ANK2: variants seen among roughly 807,000 people sequenced by gnomAD.
The protein encoded by ANK2 is ankyrin-2.
In ANK2, 83 loss-of-function variants were observed where a neutral mutation model predicts 360.5. The observed-to-expected ratio is 0.23, with a 90% CI of 0.19 to 0.28. ANK2 has a LOEUF of 0.28. ANK2 is among the 10% of genes least tolerant of loss of function. The pLI, the probability that ANK2 is intolerant of heterozygous loss-of-function variation, is 1.00. For missense variants in ANK2, 4,201 were observed against 4,795.7 expected, an observed-to-expected ratio of 0.88 and a Z score of 3.66; for synonymous variants, 1,740 against 1,759.5, an observed-to-expected ratio of 0.99 and a Z score of 0.28.
chr4:113,021,541 C>CACACACATATATATAT (rs1489947974), intron 2 of ANK2, among the ~76,000 whole-genome samples: 12 of 95,632 alleles, frequency 1.3e-4, no homozygotes, highest in African/African-American at 4.6e-4. Flanking sequence ...CACACACAAA[C>CACACACATATATATAT]ATATATATAT....
In ANK2 at chr4:113,279,658, A is replaced by G. The variant is rs2061507433; in HGVS notation, c.1881+1100A>G. On this transcript the variant is annotated intron_variant, in intron 17 of 45. Coordinates refer to ENST00000357077, the MANE Select transcript of ANK2 (RefSeq NM_001148.6). ...ATATTATAAATAAAAAATAGGATAT[A>G]TACATAAAATATGTTCTGTATAATA... Among the ~76,000 whole-genome samples, 3 of 148,670 alleles carry G rather than the reference A, an allele frequency of 2.0e-5. 1 individual carries two copies. In the South Asian group the frequency reaches 6.2e-4, roughly 31 times the overall value.
At chr4:113,145,794 T>C (rs2096806342) in intron 1 of ANK2, 8 of 1,259,086 alleles carry the variant, frequency 6.4e-6, no homozygotes, top group South Asian at 1.3e-5. Context: ...CCCACATTAG[T>C]GTACCCCTGG....
At chr4:113,187,662 G>A (rs2098555014) in intron 2 of ANK2, among the ~76,000 whole-genome samples, 1 of 152,126 alleles carries the variant, frequency 6.6e-6, no homozygotes, top group Admixed American at 6.5e-5. Context: ...AACTTACCAG[G>A]GAGAGACACT....
intron 2 of ANK2, among the ~76,000 whole-genome samples, chr4:112,926,066 TC>T (rs1337558864): frequency 1.3e-5 from 2 of 152,190 alleles, no homozygotes; most frequent in Non-Finnish European, 2.9e-5. Flanking sequence ...TTTTAAAAGT[TC>T]AGGGACTTGG....
At chr4:112,849,469 C>G (rs192992785) in intron 1 of ANK2, among the ~76,000 whole-genome samples, 57 of 152,344 alleles carry the variant, frequency 3.7e-4, no homozygotes, top group African/African-American at 1.2e-3. Context: ...TCCCCCAGCT[C>G]TCTTCACTGC....
the ANK2 span, among the ~76,000 whole-genome samples, chr4:112,787,760 T>G: frequency 6.6e-6 from 1 of 152,212 alleles, no homozygotes; most frequent in African/African-American, 2.4e-5. Context: ...ACTTTCTGTG[T>G]GACCCTGGGA....
the ANK2 span, among the ~76,000 whole-genome samples, chr4:112,769,689 G>C: frequency 6.6e-6 from 1 of 152,176 alleles, no homozygotes; most frequent in East Asian, 1.9e-4. Flanking sequence ...GTTTGTGAGG[G>C]AGTTTCTGGA....
chr4:113,219,856 A>G (rs562712502), intron 4 of ANK2, among the ~76,000 whole-genome samples: 2 of 152,314 alleles, frequency 1.3e-5, no homozygotes, highest in African/African-American at 4.8e-5. Flanking sequence ...TTTGGTATAT[A>G]CCAGACTAGG....
intron 1 of ANK2, among the ~76,000 whole-genome samples, chr4:112,877,621 T>C (rs1216106067): frequency 6.6e-6 from 1 of 152,180 alleles, no homozygotes; most frequent in Non-Finnish European, 1.5e-5. Flanking sequence ...AATGGTTACT[T>C]GTTCAAAATT....
At chr4:112,805,608 G>C in the ANK2 span, among the ~76,000 whole-genome samples, 1 of 145,134 alleles carries the variant, frequency 6.9e-6, no homozygotes, top group African/African-American at 2.6e-5. Context: ...TTAAGACCGA[G>C]TCTCACTCTG....
Position 113,336,006 on chromosome 4 carries a change from G to A in ANK2, c.3540G>A (p.Gln1180=). Residue 1180 remains glutamine, a synonymous_variant, in exon 30 of 46, where the codon CAG becomes CAA. Transcript: ENST00000357077. ...GCAGCACAGTGGTGCCCCAGGTGCA[G>A]GCCGTCTTCCCAGAGGGGGCACTCA... ...VLSSTVVPQV[Q]AVFPEGALTK... is the part of the protein sequence containing the mutation. 1.2e-6 allele frequency: 2 copies of A among 1,614,158 alleles called. No homozygotes were observed. The highest frequency in any genetic ancestry group is 2.2e-5 in the South Asian group (2 of 91,082).
chr4:113,321,632 C>G (rs1013697673), intron 26 of ANK2, among the ~76,000 whole-genome samples: 1 of 152,028 alleles, frequency 6.6e-6, no homozygotes, highest in Non-Finnish European at 1.5e-5. Flanking sequence ...TCATTATACA[C>G]CAGGTTCCTA....
At chr4:113,239,885 TTTAA>T (rs1375208350) in intron 7 of ANK2, among the ~76,000 whole-genome samples, 2 of 152,194 alleles carry the variant, frequency 1.3e-5, no homozygotes, top group African/African-American at 2.4e-5. Flanking sequence ...ATTTTTGTTT[TTTAA>T]TTATTTCATC....
Position 113,365,139 on chromosome 4 carries a change from T to C in ANK2, c.10989T>C (p.Ser3663=), listed in dbSNP as rs1369516641. The part of the protein sequence containing the change: ...TEPLQERISH[S]YAEIEQTITL... ...CTCTCCAGGAGCGCATCAGTCATAG[T>C]TATGCAGAAATTGAACAGACCATTA... Residue 3663 remains serine (S), a synonymous_variant, in exon 41 of 46, where the codon AGT becomes AGC. Transcript: ENST00000357077. 1.2e-6 allele frequency: 2 copies of C among 1,613,908 alleles called. No homozygotes were observed. The highest frequency in any genetic ancestry group is 1.7e-5 in the Admixed American group (1 of 59,976).
chr4:112,985,692 C>G (rs2044594607), intron 2 of ANK2, among the ~76,000 whole-genome samples: 1 of 152,138 alleles, frequency 6.6e-6, no homozygotes, highest in Admixed American at 6.5e-5. Context: ...CCTTTAGTCT[C>G]CTTATTCAAG....
intron 2 of ANK2, among the ~76,000 whole-genome samples, chr4:112,929,801 A>G (rs544351232): frequency 4.6e-5 from 7 of 152,192 alleles, no homozygotes; most frequent in Non-Finnish European, 1.0e-4. Flanking sequence ...TCTGAGGACC[A>G]CAATCCTAAT....
chr4:112,721,229 T>C, the ANK2 span, among the ~76,000 whole-genome samples: 2 of 152,106 alleles, frequency 1.3e-5, no homozygotes, highest in Non-Finnish European at 2.9e-5. Flanking sequence ...CTTTATCATC[T>C]TGGAGCTGAT....
At chr4:113,178,976 T>C (rs2098322983) in intron 2 of ANK2, among the ~76,000 whole-genome samples, 1 of 152,200 alleles carries the variant, frequency 6.6e-6, no homozygotes, top group South Asian at 2.1e-4. Context: ...GCTCAAAACT[T>C]ATTTTTAATC....
At chr4:113,316,566 A>G (rs2083083984) in intron 24 of ANK2, among the ~76,000 whole-genome samples, 1 of 152,230 alleles carries the variant, frequency 6.6e-6, no homozygotes, top group African/African-American at 2.4e-5. Flanking sequence ...CCAAACACCT[A>G]CTAGCTAAAA....
Sources: gnomAD v4.1 joint callset for allele counts (sites outside exome capture counted in the v4.1 genomes callset) on GRCh38, gnomAD v4.1.1 for gene constraint, MANE v1.5 for transcripts, NCBI Gene and HGNC (gene_info 2026-07-23, HGNC 2026-07-21) for gene names.